The following STATH variants were observed in gnomAD, a reference collection of about 807,000 sequenced individuals.
STATH encodes statherin.
Under a neutral mutation model 13.3 loss-of-function variants are expected in STATH, and 11 were observed. The observed-to-expected ratio is 0.83, with a 90% CI of 0.52 to 1.37. The LOEUF (loss-of-function observed/expected upper bound fraction) is 1.37. Ranked by LOEUF, STATH falls within the 40% of genes most tolerant of loss-of-function variation. The pLI, the probability that STATH is intolerant of heterozygous loss-of-function variation, is 0.00. For synonymous variants in STATH, 25 were observed against 23.6 expected (o/e 1.06, Z -0.17); for missense variants, 78 against 73.3 (o/e 1.06, Z -0.24).
chr4:69,999,870 C>G, intron 4 of STATH, 61 bp downstream of exon 4: 1 of 1,572,454 alleles, frequency 6.4e-7, no homozygotes, highest in South Asian at 1.1e-5. Context: ...ATTACTTATT[C>G]TTCTAGAAGA....
At chr4:69,996,064 C>T (rs886310079) in intron 1 of STATH, 39 bp downstream of exon 1, 5 of 152,126 alleles carry the variant, frequency 3.3e-5, no homozygotes, top group Non-Finnish European at 5.9e-5. Context: ...TTGTCTTAAT[C>T]TAGAGTGTTG....
rs762748000 is a variant in STATH, at chr4:69,998,518, G to T, written c.51+30G>T. On this transcript the variant is annotated intron_variant, in intron 2 of 5. Coordinates refer to ENST00000246895, the MANE Select transcript of STATH (RefSeq NM_003154.3). ...GTATATCAGGACATTTGAAGAATAT[G>T]TTCTCAGTACCTATCCCAAGAGTCT... 5.7e-6 allele frequency: 9 copies of T among 1,590,226 alleles called. No individual in the cohort carries two copies. In the Middle Eastern group the frequency reaches 6.6e-4, roughly 117 times the overall value.
At chr4:69,997,069 C>G (rs145532636) in intron 1 of STATH, among the ~76,000 whole-genome samples, 21 of 151,696 alleles carry the variant, frequency 1.4e-4, no homozygotes, top group African/African-American at 4.6e-4. Context: ...TCCTAAGTAG[C>G]TGGGATTATA....
chr4:70,001,207 T>C (rs1429981308), intron 5 of STATH, among the ~76,000 whole-genome samples: 2 of 151,786 alleles, frequency 1.3e-5, no homozygotes, highest in African/African-American at 2.4e-5. Flanking sequence ...CCAGGGTTTG[T>C]ATGCTGGCCC....
Position 69,998,451 on chromosome 4 carries a change from T to C in STATH, c.14T>C (p.Val5Ala). The C allele has an allele frequency of 6.2e-7, 1 of 1,612,638 alleles. No homozygotes were observed. The highest frequency in any genetic ancestry group is 8.5e-7 in the Non-Finnish European group (1 of 1,179,134). MKFL[V>A]FAFILALMVS... ...ACCCAGCCAACTATGAAGTTCCTTG[T>C]CTTTGCCTTCATCTTGGCTCTCATG... is the stretch of plus-strand genomic sequence containing the variant. Residue 5 changes from valine (V) to alanine (A), a missense_variant, in exon 2 of 6, where the codon GTC (valine) becomes GCC (alanine). Physicochemically the swap from Val to Ala is moderately conservative, Grantham distance 64. Transcript: ENST00000246895.
chr4:69,997,468 G>T (rs970044075), intron 1 of STATH, among the ~76,000 whole-genome samples: 1 of 152,010 alleles, frequency 6.6e-6, no homozygotes, highest in Non-Finnish European at 1.5e-5. Flanking sequence ...TTACTCTATA[G>T]TTTTCAATAA....
chr4:70,001,563 T>C (rs891050517), intron 5 of STATH, among the ~76,000 whole-genome samples: 16 of 151,804 alleles, frequency 1.1e-4, no homozygotes, highest in African/African-American at 3.9e-4. Context: ...ATTATTAACA[T>C]AATGCTAACA....
chr4:69,997,407 A>G (rs1345764042), intron 1 of STATH, among the ~76,000 whole-genome samples: 1 of 152,144 alleles, frequency 6.6e-6, no homozygotes. Context: ...TTTTATCACA[A>G]GTTATTGGTA....
intron 1 of STATH, among the ~76,000 whole-genome samples, chr4:69,996,276 C>T (rs1162426270): frequency 1.3e-5 from 2 of 152,108 alleles, no homozygotes; most frequent in Non-Finnish European, 2.9e-5. Context: ...AACTTCTCTC[C>T]TGATGGAACT....
intron 1 of STATH, 33 bp downstream of exon 1, chr4:69,996,058 C>A (rs1724494925): frequency 6.6e-6 from 1 of 152,044 alleles, no homozygotes; most frequent in South Asian, 2.1e-4. Context: ...AATATGTTGT[C>A]TTAATCTAGA....
chr4:69,996,627 T>G (rs1413985669), intron 1 of STATH, among the ~76,000 whole-genome samples: 2 of 152,100 alleles, frequency 1.3e-5, no homozygotes, highest in Non-Finnish European at 2.9e-5. Flanking sequence ...AAGATTTTAC[T>G]ATTTCATATT....
rs569489635 is a variant in STATH at position 70,002,030 on chromosome 4, T to G, written c.*34-159T>G. Among the ~76,000 whole-genome samples, 41 of 151,940 alleles carry G rather than the reference T, an allele frequency of 2.7e-4. 1 individual carries two copies. In the South Asian group the frequency reaches 8.3e-3, roughly 31 times the overall value. ...ATTTATTCAGGAACCAATTTAATAA[T>G]TGTTTAATTGTCTACTCTGTGTCAA... On this transcript the variant is annotated intron_variant, in intron 5 of 5. Coordinates refer to ENST00000246895, the MANE Select transcript of STATH (RefSeq NM_003154.3).
intron 4 of STATH, 185 bp downstream of exon 4, chr4:69,999,994 G>A: frequency 2.9e-6 from 2 of 680,898 alleles, no homozygotes; most frequent in Non-Finnish European, 4.8e-6. Flanking sequence ...CAACATTTAA[G>A]TTGAAACTCA....
intron 1 of STATH, among the ~76,000 whole-genome samples, chr4:69,996,282 G>A (rs150438001): frequency 4.6e-5 from 7 of 152,156 alleles, no homozygotes; most frequent in African/African-American, 1.7e-4. Flanking sequence ...TCTCCTGATG[G>A]AACTTCTGAA....
At chr4:69,999,883 C>G in intron 4 of STATH, 74 bp downstream of exon 4, 1 of 1,533,394 alleles carries the variant, frequency 6.5e-7, no homozygotes, top group South Asian at 1.1e-5. Flanking sequence ...CTAGAAGAAC[C>G]AATACTTATT....
At chr4:69,999,580 A>T in intron 2 of STATH, 87 bp from the exon 3 acceptor site, 1 of 1,349,590 alleles carries the variant, frequency 7.4e-7, no homozygotes, top group Non-Finnish European at 1.0e-6. Context: ...GTTTACTCAC[A>T]ACTGTAGCTG....
intron 2 of STATH, 75 bp downstream of exon 2, chr4:69,998,563 G>C (rs1724568972): frequency 7.5e-7 from 1 of 1,329,082 alleles, no homozygotes; most frequent in African/African-American, 1.5e-5. Context: ...TTGTGTTCTG[G>C]CATATATTGG....
At chr4:69,998,524 A>G (rs1472116292) in intron 2 of STATH, 36 bp downstream of exon 2, 12 of 1,568,118 alleles carry the variant, frequency 7.7e-6, no homozygotes, top group Middle Eastern at 1.7e-4. Context: ...ATATGTTCTC[A>G]GTACCTATCC....
At chr4:70,001,376 G>T (rs974163121) in intron 5 of STATH, among the ~76,000 whole-genome samples, 2 of 151,800 alleles carry the variant, frequency 1.3e-5, no homozygotes, top group Non-Finnish European at 2.9e-5. Flanking sequence ...GATCAGAAAG[G>T]TTTGTAGTTA....
Sources: gnomAD v4.1 joint callset for allele counts (sites outside exome capture counted in the v4.1 genomes callset) on GRCh38, gnomAD v4.1.1 for gene constraint, MANE v1.5 for transcripts, NCBI Gene and HGNC (gene_info 2026-07-23, HGNC 2026-07-21) for gene names.